The following RNF213 variants were observed in gnomAD, a reference collection of about 807,000 sequenced individuals.
RNF213 encodes the protein E3 ubiquitin-protein ligase RNF213.
RNF213 carries 341 observed loss-of-function variants against 514.4 expected under a neutral mutation model. That is an observed-to-expected ratio of 0.66 (90% confidence interval 0.61 to 0.73). The LOEUF is 0.73. RNF213 is among the 30% of genes least tolerant of loss of function. RNF213 has a pLI of 0.00. For synonymous variants in RNF213, 2,655 were observed against 2,658.2 expected (o/e 1.00, Z 0.04); for missense variants, 5,767 against 6,615.6 (o/e 0.87, Z 4.45).
intron 3 of RNF213, among the ~76,000 whole-genome samples, chr17:80,277,753 T>G (rs2044121472): frequency 6.6e-6 from 1 of 152,170 alleles, no homozygotes. Flanking sequence ...CCTATTGAAT[T>G]CTGAAGCTGA....
chr17:80,290,833 G>A (rs945889851), intron 7 of RNF213, 105 bp downstream of exon 7: 12 of 1,299,058 alleles, frequency 9.2e-6, no homozygotes, highest in East Asian at 7.6e-5. Flanking sequence ...TTTCTGAGAC[G>A]GAGTCTTGCT....
chr17:80,329,889 C>G (rs969828130), intron 20 of RNF213, among the ~76,000 whole-genome samples: 2 of 152,152 alleles, frequency 1.3e-5, no homozygotes, highest in Admixed American at 6.5e-5. Context: ...TCTTTCAACT[C>G]TAGACATCAA....
intron 56 of RNF213, 50 bp downstream of exon 56, chr17:80,381,037 G>A (rs750642087): frequency 3.9e-5 from 62 of 1,597,738 alleles, no homozygotes; most frequent in Non-Finnish European, 4.9e-5. Flanking sequence ...ACCTGCTTTC[G>A]CTTCTTCCCA....
chr17:80,305,455 G>C (rs938906393), intron 11 of RNF213, among the ~76,000 whole-genome samples: 2 of 152,000 alleles, frequency 1.3e-5, no homozygotes, highest in Non-Finnish European at 2.9e-5. Context: ...TGGGATTACA[G>C]ACGTGAGCCA....
chr17:80,386,137 C>T, intron 61 of RNF213, 113 bp from the exon 62 acceptor site: 1 of 1,033,538 alleles, frequency 9.7e-7, no homozygotes, highest in Non-Finnish European at 1.5e-6. Flanking sequence ...GAACCGAGAC[C>T]CGGCTCCCGG....
chr17:80,386,740 A>C lies in RNF213; in HGVS notation c.14771A>C (p.Glu4924Ala). Residue 4924 changes from glutamate (E) to alanine (A), a missense_variant, in exon 63 of 68, where the codon GAA becomes GCA. Physicochemically the swap from Glu to Ala is moderately radical, Grantham distance 107. Transcript: ENST00000582970. ...ACTGAACTGCATGTCATCAGTTATG[A>C]AGTGGAGCGGGACCTGACTCCACTG... The part of the protein sequence containing the change: ...EVTELHVISY[E>A]VERDLTPLIL... The C allele has an allele frequency of 6.2e-7, 1 of 1,614,202 alleles. No individual in the cohort carries two copies. The highest frequency in any genetic ancestry group is 8.5e-7 in the Non-Finnish European group (1 of 1,180,020).
intron 44 of RNF213, 103 bp from the exon 45 acceptor site, chr17:80,369,398 CA>C (rs11424638): frequency 0.037 from 33,598 of 909,330 alleles, 3 homozygotes; most frequent in East Asian, 0.052. Context: ...AACTCCGTCT[CA>C]AAAAAAAAAA....
At chr17:80,360,521 C>T (rs1413349241) in intron 38 of RNF213, 4 of 392,174 alleles carry the variant, frequency 1.0e-5, no homozygotes, top group East Asian at 6.0e-5. Flanking sequence ...GGAGGACTGT[C>T]GCCTCTATCA....
At chr17:80,318,451 G>A (rs2046020283) in intron 16 of RNF213, among the ~76,000 whole-genome samples, 1 of 152,186 alleles carries the variant, frequency 6.6e-6, no homozygotes, top group South Asian at 2.1e-4. Context: ...AAGTCTAAGT[G>A]GCCTGTTGGT....
rs2078088296 is a variant in RNF213, at chr17:80,339,571, A to G, written c.5204A>G (p.Asn1735Ser). 8.5e-6 allele frequency: 13 copies of G among 1,537,046 alleles called. No individual in the cohort carries two copies. The highest frequency in any genetic ancestry group is 2.4e-5 in the East Asian group (1 of 40,918). ...ALTMLSFIKSNCTLRDVLRAS... is the reference protein window; with the variant it reads ...ALTMLSFIKSSCTLRDVLRAS... ...ACGATGCTATCCTTCATCAAAAGCA[A>G]CTGCACCCTGAGGGATGTCTTAAGG... Residue 1735 changes from asparagine (N) to serine (S), a missense_variant, in exon 26 of 68, where the codon AAC becomes AGC. Asn to Ser is a conservative substitution (Grantham distance 46, BLOSUM62 1). Transcript: ENST00000582970.
At chr17:80,273,112 G>T (rs2043881189) in intron 2 of RNF213, 129 bp from the exon 3 acceptor site, 36 of 1,248,180 alleles carry the variant, frequency 2.9e-5, no homozygotes, top group Non-Finnish European at 3.5e-5. Flanking sequence ...ATGTTAGCAG[G>T]CCCAATGCAG....
chr17:80,386,747 G>A lies in RNF213; in HGVS notation c.14778G>A (p.Glu4926=). ...TELHVISYEV[E]RDLTPLILSN... is the part of the protein sequence containing the mutation. ...TGCATGTCATCAGTTATGAAGTGGA[G>A]CGGGACCTGACTCCACTGATTCTCT... The change falls in exon 63 of 68, where the codon GAG becomes GAA. Residue 4926 remains glutamate (E), a synonymous_variant. Coordinates refer to ENST00000582970, the MANE Select transcript of RNF213 (RefSeq NM_001256071.3). 1 of 1,614,226 alleles carries A rather than the reference G, an allele frequency of 6.2e-7. No individual in the cohort carries two copies.
rs572630851 is a variant in RNF213 at position 80,265,107 on chromosome 17, C to T, written c.97+1329C>T. Among the ~76,000 whole-genome samples, 23 of 147,176 alleles carry T rather than the reference C, an allele frequency of 1.6e-4. No homozygotes were observed. The East Asian group carries it at 1.6e-3, about 10-fold the overall frequency. ...TGTTGCTCTGGCTAGAGAGCAGTGG[C>T]GAAATCTCAGCTCACTGCAACCTCT... On this transcript the variant is annotated intron_variant, in intron 2 of 67. Coordinates refer to ENST00000582970, the MANE Select transcript of RNF213 (RefSeq NM_001256071.3).
At chr17:80,312,127 C>CA (rs1293347531) in intron 14 of RNF213, among the ~76,000 whole-genome samples, 6 of 150,454 alleles carry the variant, frequency 4.0e-5, no homozygotes, top group East Asian at 1.9e-4. Flanking sequence ...GACTCTGTCT[C>CA]AAAAAAAAGA....
Position 80,386,685 on chromosome 17 carries a change from C to G in RNF213, c.14721-5C>G, listed in dbSNP as rs747926576. 6.2e-7 allele frequency: 1 copy of G among 1,614,186 alleles called. No individual in the cohort carries two copies. The highest frequency in any genetic ancestry group is 8.5e-7 in the Non-Finnish European group (1 of 1,180,010). ...GACGCTGAGCGCTGTCTTTCTGCCC[C>G]TCAGCTATTCCGTGGATGCCGCCGA... On this transcript the variant is annotated splice_polypyrimidine_tract_variant and splice_region_variant and intron_variant, in intron 62 of 67. Coordinates refer to ENST00000582970, the MANE Select transcript of RNF213 (RefSeq NM_001256071.3).
chr17:80,290,424 AGT>A (rs201252098), intron 6 of RNF213, 144 bp from the exon 7 acceptor site: 39,620 of 887,686 alleles, frequency 0.045, 1,034 homozygotes, highest in African/African-American at 0.085. Context: ...CGTGTGTGCG[AGT>A]GTGCGCGTGT....
intron 20 of RNF213, among the ~76,000 whole-genome samples, chr17:80,331,421 C>T (rs2046413750): frequency 2.1e-5 from 3 of 145,726 alleles, no homozygotes; most frequent in African/African-American, 5.1e-5. Flanking sequence ...TGGAGTCTCA[C>T]TCTGTCACCC....
chr17:80,376,009 G>A (rs2079741876), intron 51 of RNF213, 139 bp downstream of exon 51: 1 of 779,450 alleles, frequency 1.3e-6, no homozygotes, highest in East Asian at 2.6e-5. Flanking sequence ...TTATGTGGAG[G>A]AACACATAAC....
At chr17:80,359,946 G>C in intron 37 of RNF213, 115 bp from the exon 38 acceptor site, 2 of 1,061,836 alleles carry the variant, frequency 1.9e-6, no homozygotes, top group South Asian at 2.6e-5. Context: ...TGCCTGGCCT[G>C]TTGGCCCCTT....
Sources: allele counts gnomAD v4.1 joint callset (sites outside exome capture counted in the v4.1 genomes callset), GRCh38; gene constraint gnomAD v4.1.1; transcripts MANE v1.5; gene names NCBI Gene and HGNC (gene_info 2026-07-23, HGNC 2026-07-21).